The following NOP14 variants were observed in gnomAD, a reference collection of about 807,000 sequenced individuals.
The protein encoded by NOP14 is NOP14 nucleolar protein, also known as nucleolar protein 14.
NOP14 carries 57 observed loss-of-function variants against 101.6 expected under a neutral mutation model. The ratio of observed to expected loss-of-function variants is 0.56; its 90% CI spans 0.45 to 0.70. NOP14 has a LOEUF of 0.70. NOP14 is among the 30% of genes least tolerant of loss of function. The pLI, the probability that NOP14 is intolerant of heterozygous loss-of-function variation, is 0.00. For missense variants in NOP14, 1,134 were observed against 1,075.5 expected, an observed-to-expected ratio of 1.05 and a Z score of -0.76; for synonymous variants, 428 against 424.0, an observed-to-expected ratio of 1.01 and a Z score of -0.12.
chr4:2,951,122 A>T lies in NOP14; in HGVS notation c.994T>A (p.Ser332Thr). 9 of 1,608,048 alleles carry T rather than the reference A, an allele frequency of 5.6e-6. 1 individual carries two copies. In the South Asian group the frequency reaches 1.0e-4, roughly 18 times the overall value. Residue 332 changes from serine to threonine, a missense_variant, in exon 7 of 18, where the codon TCC becomes ACC. Coordinates refer to ENST00000416614, the MANE Select transcript of NOP14 (RefSeq NM_001291978.2). Reference protein sequence around the residue: ...VLDKDDRRLLSYKDGKMNVEE... With the variant: ...VLDKDDRRLLTYKDGKMNVEE... ...GAAGGCAAACATCTTACTTTGTAGG[A>T]AAGCAAACGCCTGTCATCTTTATCT...
chr4:2,955,147 C>T (rs1177564961), intron 3 of NOP14, among the ~76,000 whole-genome samples: 1 of 128,528 alleles, frequency 7.8e-6, no homozygotes, highest in Non-Finnish European at 1.7e-5. Flanking sequence ...CACCTGCACC[C>T]CACGGCGCCC....
intron 8 of NOP14, among the ~76,000 whole-genome samples, chr4:2,949,326 C>G (rs1324258469): frequency 6.6e-6 from 1 of 152,202 alleles, no homozygotes; most frequent in African/African-American, 2.4e-5. Flanking sequence ...ACCTCAGCCT[C>G]CTGACCAGCT....
chr4:2,949,421 T>G (rs539656504), intron 8 of NOP14, among the ~76,000 whole-genome samples: 203 of 152,246 alleles, frequency 1.3e-3, no homozygotes, highest in African/African-American at 4.6e-3. Flanking sequence ...CCCAGGCTGG[T>G]CTCAAACTCC....
At chr4:2,954,365 A>C in intron 4 of NOP14, 59 bp downstream of exon 4, 2 of 1,575,402 alleles carry the variant, frequency 1.3e-6, no homozygotes, top group Non-Finnish European at 1.7e-6. Flanking sequence ...AAGCTCAAAC[A>C]CATTTTGGTG....
At chr4:2,942,402 C>T in intron 13 of NOP14, 51 bp from the exon 14 acceptor site, 1 of 1,570,352 alleles carries the variant, frequency 6.4e-7, no homozygotes, top group Non-Finnish European at 8.7e-7. Context: ...TACTGGGCTC[C>T]CAGCAGGCTC....
At chr4:2,941,492 G>T (rs1274338321) in intron 15 of NOP14, 90 bp downstream of exon 15, 5 of 1,204,400 alleles carry the variant, frequency 4.2e-6, no homozygotes, top group Admixed American at 5.0e-5. Flanking sequence ...TACAGCTGCA[G>T]CATCAAATGA....
Position 2,942,341 on chromosome 4 carries a change from C to G in NOP14, c.1902G>C (p.Leu634=). 1 of 1,613,608 alleles carries G rather than the reference C, an allele frequency of 6.2e-7. No individual in the cohort carries two copies. The highest frequency in any genetic ancestry group is 8.5e-7 in the Non-Finnish European group (1 of 1,179,584). Residue 634 remains leucine (L), a synonymous_variant, in exon 14 of 18, where the codon CTG becomes CTC. Transcript: ENST00000416614. ...TCCCAAGCGCTCTGAAAGGGTGCAC[C>G]AGAGTGGAACCTGAATTCCAAGTGC... ...TPNKASQGST[L]VHPFRALGKN... is the part of the protein sequence containing the mutation.
intron 11 of NOP14, 114 bp downstream of exon 11, chr4:2,946,298 C>T: frequency 7.8e-7 from 1 of 1,279,780 alleles, no homozygotes; most frequent in Non-Finnish European, 1.1e-6. Context: ...GCTCACTCCA[C>T]ATCACCCTGG....
rs1713797940 is a variant in NOP14, at chr4:2,938,138, A to G, written c.*693T>C. ...TGCATTTCAGGATTCATTCTATTTC[A>G]TCAGGTGACGTTTTAACAGAAACAA... On this transcript the variant is annotated 3_prime_UTR_variant, in exon 18 of 18. Coordinates refer to ENST00000416614, the MANE Select transcript of NOP14 (RefSeq NM_001291978.2). 4 of 1,211,302 alleles carry G rather than the reference A, an allele frequency of 3.3e-6. No individual in the cohort carries two copies. The highest frequency in any genetic ancestry group is 5.7e-5 in the East Asian group (1 of 17,520). The allele number at this position is 1,211,302 out of a possible 1,614,324, so 75.0% of individuals were successfully genotyped here.
chr4:2,962,506 C>CAGA (rs2109324052), intron 1 of NOP14, among the ~76,000 whole-genome samples: 1 of 152,256 alleles, frequency 6.6e-6, no homozygotes, highest in Non-Finnish European at 1.5e-5. Flanking sequence ...CGAGGTCAAA[C>CAGA]AGAAGCGCTC....
intron 15 of NOP14, chr4:2,941,208 C>T: frequency 4.9e-6 from 1 of 205,070 alleles, no homozygotes; most frequent in Non-Finnish European, 1.0e-5. Context: ...TTCCTGTCAC[C>T]TTGTGCAGGA....
Position 2,938,092 on chromosome 4 carries a change from G to T in NOP14, c.*739C>A. 2.4e-6 allele frequency: 2 copies of T among 845,748 alleles called. No homozygotes were observed. Among genetic ancestry groups the T allele is most frequent in the Non-Finnish European group, 3.3e-6 (2 of 606,266 alleles). The allele number at this position is 845,748 out of a possible 1,614,324, so 52.4% of individuals were successfully genotyped here. ...AACCAGTCGCAGCTGATAACACACA[G>T]ACCATTCCCGATCCCAGAGGTGCAT... is the stretch of plus-strand genomic sequence containing the variant. On this transcript the variant is annotated 3_prime_UTR_variant, in exon 18 of 18. Coordinates refer to ENST00000416614, the MANE Select transcript of NOP14 (RefSeq NM_001291978.2).
chr4:2,941,883 G>T, intron 14 of NOP14, 154 bp from the exon 15 acceptor site: 1 of 852,508 alleles, frequency 1.2e-6, no homozygotes, highest in Non-Finnish European at 1.8e-6. Flanking sequence ...TGCAACCACG[G>T]GCAAGGCAGG....
intron 15 of NOP14, chr4:2,940,537 G>C (rs1560293522): frequency 6.6e-6 from 1 of 152,282 alleles, no homozygotes; most frequent in Non-Finnish European, 1.5e-5. Context: ...ACAGGATAAG[G>C]GGCAGGGCTC....
intron 13 of NOP14, among the ~76,000 whole-genome samples, chr4:2,943,214 C>T (rs1221182646): frequency 6.6e-6 from 1 of 152,230 alleles, no homozygotes; most frequent in African/African-American, 2.4e-5. Flanking sequence ...GAAGAGTGGG[C>T]CAGACCCCTC....
Position 2,947,618 on chromosome 4 carries a change from G to C in NOP14, c.1414-7C>G, listed in dbSNP as rs769049219. On this transcript the variant is annotated splice_region_variant and splice_polypyrimidine_tract_variant and intron_variant, in intron 9 of 17. Transcript: ENST00000416614. ...AAAGAAAGCCAAACAGTTTCTGCAG[G>C]AACATGAATTGGGAAATAAAGCTCA... is the stretch of plus-strand genomic sequence containing the variant. 4.0e-5 allele frequency: 64 copies of C among 1,611,930 alleles called. No homozygotes were observed. The highest frequency in any genetic ancestry group is 4.9e-5 in the Non-Finnish European group (58 of 1,178,282).
chr4:2,952,476 T>C, intron 5 of NOP14, 79 bp from the exon 6 acceptor site: 3 of 1,309,176 alleles, frequency 2.3e-6, no homozygotes, highest in Non-Finnish European at 3.1e-6. Flanking sequence ...TCTAGCTTCC[T>C]GGCACATTCT....
At chr4:2,952,110 A>AG (rs1715064105) in intron 6 of NOP14, among the ~76,000 whole-genome samples, 165 bp downstream of exon 6, 1 of 72,242 alleles carries the variant, frequency 1.4e-5, no homozygotes, top group Admixed American at 1.2e-4. Flanking sequence ...TGTCTCAAAG[A>AG]AAAAAAAAAA....
In NOP14 at chr4:2,949,833, A is replaced by G. The variant is rs570457799; in HGVS notation, c.1282+101T>C. The G allele has an allele frequency of 1.2e-4, 173 of 1,391,208 alleles. No homozygotes were observed. In the South Asian group the frequency reaches 2.1e-3, roughly 17 times the overall value. 86.2% of individuals were successfully genotyped at this position (1,391,208 alleles called of 1,614,324 possible). ...ACTCCCAAGGGCATCCTTGGTCCCC[A>G]TTCCACAAATGCAACCCCTGGGAGG... On this transcript the variant is annotated intron_variant, in intron 8 of 17. Transcript: ENST00000416614.
Sources: allele counts gnomAD v4.1 joint callset (sites outside exome capture counted in the v4.1 genomes callset), GRCh38; gene constraint gnomAD v4.1.1; transcripts MANE v1.5; gene names NCBI Gene and HGNC (gene_info 2026-07-23, HGNC 2026-07-21).